The following CMYA5 variants were observed in gnomAD, a reference collection of about 807,000 sequenced individuals.
CMYA5 encodes cardiomyopathy associated 5, also known as cardiomyopathy-associated protein 5.
CMYA5 carries 246 observed loss-of-function variants against 318.9 expected under a neutral mutation model. The observed-to-expected ratio is 0.77, with a 90% CI of 0.70 to 0.86. The LOEUF is 0.86. Ranked by LOEUF, CMYA5 falls within the 40% of genes least tolerant of loss-of-function variation. The pLI, the probability that CMYA5 is intolerant of heterozygous loss-of-function variation, is 0.00. For synonymous variants in CMYA5, 1,641 were observed against 1,729.5 expected (o/e 0.95, Z 1.27); for missense variants, 4,589 against 4,678.2 (o/e 0.98, Z 0.56).
chr5:79,757,066 G>A (rs1195456005), intron 6 of CMYA5, among the ~76,000 whole-genome samples: 3 of 151,778 alleles, frequency 2.0e-5, no homozygotes, highest in African/African-American at 7.3e-5. Context: ...GTGGTAGTGG[G>A]CGCCTGTAAT....
chr5:79,799,080 G>A lies in CMYA5; in HGVS notation c.11964-290G>A, dbSNP rs3828612. Reference sequence around the variant, plus strand: ...GTAGTTAAAACATGTGGGCAGCTGGGAGAGAATTAGAATGTGGAGATAAAT... The same window carrying A: ...GTAGTTAAAACATGTGGGCAGCTGGAAGAGAATTAGAATGTGGAGATAAAT... On this transcript the variant is annotated intron_variant, in intron 12 of 12. Coordinates refer to ENST00000446378, the MANE Select transcript of CMYA5 (RefSeq NM_153610.5). 5.1e-3 allele frequency among the ~76,000 whole-genome samples: 775 copies of A among 152,330 alleles called. 32 individuals are homozygous for A. The East Asian group carries it at 0.084, about 16-fold the overall frequency.
chr5:79,798,860 G>A (rs1283720587), intron 12 of CMYA5, among the ~76,000 whole-genome samples: 2 of 152,192 alleles, frequency 1.3e-5, no homozygotes, highest in Non-Finnish European at 2.9e-5. Context: ...GGAAGGGGGA[G>A]CAGAAACAAA....
intron 12 of CMYA5, among the ~76,000 whole-genome samples, chr5:79,795,803 A>C (rs1012117927): frequency 6.6e-6 from 1 of 152,114 alleles, no homozygotes; most frequent in African/African-American, 2.4e-5. Context: ...TCAAGGGAGT[A>C]AGGGTCCTCA....
rs1330127610 is a variant in CMYA5 at position 79,738,639 on chromosome 5, G to A, written c.9874G>A (p.Glu3292Lys). 1 of 1,613,788 alleles carries A rather than the reference G, an allele frequency of 6.2e-7. No homozygotes were observed. The highest frequency in any genetic ancestry group is 8.5e-7 in the Non-Finnish European group (1 of 1,179,870). The change falls in exon 2 of 13, where the codon GAG becomes AAG. Residue 3292 changes from glutamate (E) to lysine (K), a missense_variant. By Grantham distance (56) the Glu-to-Lys change is moderately conservative (BLOSUM62 1). Around this residue, in one of 3 missense-constraint regions of CMYA5, gnomAD observed 2,431 missense variants for 2,495.1 expected, o/e 0.97. Transcript: ENST00000446378. The part of the protein sequence containing the change: ...IWGKFGTICR[E>K]KSLEEQKGVY... ...GGGAAAGTTTGGAACTATTTGCAGG[G>A]AGAAGAGTCTGGAAGAACAGAAAGG...
At position 79,728,088 on chromosome 5, in the gene CMYA5, T is replaced by G. The variant is rs115201632; in HGVS notation, c.150-827T>G. Among the ~76,000 whole-genome samples, 470 of 152,346 alleles carry G rather than the reference T, an allele frequency of 3.1e-3. 2 individuals carry two copies. The highest frequency in any genetic ancestry group is 0.01 in the Middle Eastern group (3 of 294). Reference sequence around the variant, plus strand: ...CAAGCTCACGAGATAGGTTCTATTATTATCCCTGTTTTATAGATGAGGAAA... The same window carrying G: ...CAAGCTCACGAGATAGGTTCTATTAGTATCCCTGTTTTATAGATGAGGAAA... On this transcript the variant is annotated intron_variant, in intron 1 of 12. Coordinates refer to ENST00000446378, the MANE Select transcript of CMYA5 (RefSeq NM_153610.5).
intron 10 of CMYA5, among the ~76,000 whole-genome samples, chr5:79,790,224 G>C (rs543523801): frequency 6.6e-6 from 1 of 152,108 alleles, no homozygotes; most frequent in Non-Finnish European, 1.5e-5. Flanking sequence ...TATGGTGCCT[G>C]TCCTTCCATT....
intron 1 of CMYA5, among the ~76,000 whole-genome samples, chr5:79,722,224 T>G (rs1827653664): frequency 6.6e-6 from 1 of 152,234 alleles, no homozygotes; most frequent in African/African-American, 2.4e-5. Context: ...GGGCCATATA[T>G]GAAATCACAA....
At chr5:79,693,778 G>T (rs1035449951) in intron 1 of CMYA5, among the ~76,000 whole-genome samples, 3 of 152,194 alleles carry the variant, frequency 2.0e-5, no homozygotes, top group Admixed American at 2.0e-4. Context: ...TAGGCACAAG[G>T]AATACAGCTG....
chr5:79,741,192 T>C (rs2151089298), intron 2 of CMYA5, among the ~76,000 whole-genome samples: 1 of 152,324 alleles, frequency 6.6e-6, no homozygotes, highest in South Asian at 2.1e-4. Context: ...GTTCTTTATA[T>C]ACAGGATATC....
chr5:79,742,274 C>G (rs1828232277), intron 2 of CMYA5, among the ~76,000 whole-genome samples: 1 of 151,740 alleles, frequency 6.6e-6, no homozygotes, highest in South Asian at 2.1e-4. Context: ...CTCGCTGAAG[C>G]CTCCTGGGCT....
At chr5:79,740,247 T>C (rs560680191) in intron 2 of CMYA5, among the ~76,000 whole-genome samples, 4 of 152,304 alleles carry the variant, frequency 2.6e-5, no homozygotes, top group Admixed American at 2.6e-4. Context: ...AAGACAACTG[T>C]ACACACTGTG....
In CMYA5 at chr5:79,791,593, C is replaced by T. The variant is rs532071274; in HGVS notation, c.11789+524C>T. On this transcript the variant is annotated intron_variant, in intron 11 of 12. Transcript: ENST00000446378. ...AAAATTAGCCAGGTGTGGTGGTGCA[C>T]GCCTGTAATCTCAGCTACTCGGAGG... 2.0e-5 allele frequency among the ~76,000 whole-genome samples: 3 copies of T among 151,628 alleles called. No homozygotes were observed. In the South Asian group the frequency reaches 6.3e-4, roughly 32 times the overall value.
chr5:79,722,281 A>G (rs1318159797), intron 1 of CMYA5, among the ~76,000 whole-genome samples: 3 of 152,274 alleles, frequency 2.0e-5, no homozygotes, highest in Non-Finnish European at 4.4e-5. Flanking sequence ...AAAATGCTAT[A>G]TATCAACCTT....
intron 5 of CMYA5, among the ~76,000 whole-genome samples, chr5:79,750,652 AT>A (rs1341520884): frequency 2.0e-5 from 3 of 152,224 alleles, no homozygotes; most frequent in Non-Finnish European, 4.4e-5. Context: ...TGTCAAGCAT[AT>A]TTAGACTAAA....
chr5:79,799,873 A>ACGTCGACCACCG lies in CMYA5; in HGVS notation c.*257_*258insCGTCGACCACCG. 7.0e-6 allele frequency: 1 copy of ACGTCGACCACCG among 142,348 alleles called. No homozygotes were observed. Among genetic ancestry groups the ACGTCGACCACCG allele is most frequent in the Non-Finnish European group, 1.4e-5 (1 of 72,556 alleles). The allele number at this position is 142,348 out of a possible 1,614,324, so 8.8% of individuals were successfully genotyped here. A position where few individuals can be genotyped will look rare whatever the true frequency, so the allele number is the denominator to read the frequency against. Reference sequence around the variant, plus strand: ...AAGTTTGAGTTCTTTCCTAAATTAAAAGATCTACACTTGAGTTGGGAACCG... The same window carrying ACGTCGACCACCG: ...AAGTTTGAGTTCTTTCCTAAATTAAACGTCGACCACCGAGATCTACACTTGAGTTGGGAACCG... On this transcript the variant is annotated 3_prime_UTR_variant, in exon 13 of 13. Transcript: ENST00000446378.
intron 8 of CMYA5, chr5:79,762,347 A>G (rs1828669040): frequency 1.2e-5 from 2 of 165,668 alleles, no homozygotes; most frequent in South Asian, 3.8e-4. Flanking sequence ...TTCCACTTGA[A>G]AAAGACATGA....
At chr5:79,699,789 T>C (rs1164944592) in intron 1 of CMYA5, among the ~76,000 whole-genome samples, 1 of 152,234 alleles carries the variant, frequency 6.6e-6, no homozygotes, top group Admixed American at 6.5e-5. Flanking sequence ...AAGTTGAGCA[T>C]GGACAGAGTT....
chr5:79,696,776 C>G (rs1041855473), intron 1 of CMYA5, among the ~76,000 whole-genome samples: 3 of 152,112 alleles, frequency 2.0e-5, no homozygotes, highest in African/African-American at 7.2e-5. Context: ...GAGGCCGAGA[C>G]GGGCAGGTCA....
chr5:79,711,144 ATT>A (rs1057202616), intron 1 of CMYA5, among the ~76,000 whole-genome samples: 1 of 152,282 alleles, frequency 6.6e-6, no homozygotes, highest in African/African-American at 2.4e-5. Flanking sequence ...CCCCTGTGGA[ATT>A]TTAGAGACTT....
Sources: allele counts gnomAD v4.1 joint callset (sites outside exome capture counted in the v4.1 genomes callset), GRCh38; gene constraint gnomAD v4.1.1; regional missense constraint gnomAD v4.1.1; transcripts MANE v1.5; gene names NCBI Gene and HGNC (gene_info 2026-07-23, HGNC 2026-07-21).